Variants in MAML2 observed in about 807,000 individuals in gnomAD.
MAML2 encodes mastermind like transcriptional coactivator 2.
MAML2 carries 22 observed loss-of-function variants against 96.1 expected under a neutral mutation model. That is an observed-to-expected ratio of 0.23 (90% CI 0.16 to 0.33). The LOEUF (loss-of-function observed/expected upper bound fraction) is 0.33. Ranked by LOEUF, MAML2 falls within the 10% of genes least tolerant of loss-of-function variation. The pLI, the probability that MAML2 is intolerant of heterozygous loss-of-function variation, is 1.00. For synonymous variants in MAML2, 561 were observed against 521.3 expected (o/e 1.08, Z -1.04); for missense variants, 1,367 against 1,392.4 (o/e 0.98, Z 0.29).
chr11:96,177,045 C>T (rs1329295800), intron 1 of MAML2, among the ~76,000 whole-genome samples: 1 of 152,124 alleles, frequency 6.6e-6, no homozygotes, highest in Non-Finnish European at 1.5e-5. Flanking sequence ...TTTCAGGTCA[C>T]CATGCCTGGA....
intron 2 of MAML2, among the ~76,000 whole-genome samples, chr11:95,994,040 C>T (rs1313321225): frequency 6.6e-6 from 1 of 152,158 alleles, no homozygotes; most frequent in Non-Finnish European, 1.5e-5. Flanking sequence ...AACTCTAGTT[C>T]TCAATCAGTA....
chr11:96,291,115 C>CTTTTTT (rs58889757), intron 1 of MAML2, among the ~76,000 whole-genome samples: 3 of 69,026 alleles, frequency 4.3e-5, no homozygotes, highest in African/African-American at 6.0e-5. Flanking sequence ...TTTCACAAGC[C>CTTTTTT]TTTTTTTTTT....
chr11:96,007,935 G>A (rs1184179982), intron 2 of MAML2, among the ~76,000 whole-genome samples: 2 of 149,858 alleles, frequency 1.3e-5, no homozygotes, highest in Admixed American at 6.7e-5. Context: ...TAGATGACGA[G>A]TTAGTGGGTG....
At chr11:96,146,567 T>C (rs1024339915) in intron 1 of MAML2, among the ~76,000 whole-genome samples, 1 of 152,220 alleles carries the variant, frequency 6.6e-6, no homozygotes, top group African/African-American at 2.4e-5. Flanking sequence ...CTGTGTGAGC[T>C]GATCACACCA....
intron 1 of MAML2, among the ~76,000 whole-genome samples, chr11:96,270,578 G>C (rs899081527): frequency 6.6e-6 from 1 of 151,960 alleles, no homozygotes; most frequent in Non-Finnish European, 1.5e-5. Context: ...AAAAGTGCTG[G>C]GATTACAGGC....
intron 2 of MAML2, among the ~76,000 whole-genome samples, chr11:96,081,385 T>A (rs1859527301): frequency 6.6e-6 from 1 of 152,120 alleles, no homozygotes; most frequent in Admixed American, 6.5e-5. Context: ...TGTCATGGTG[T>A]CTTTCCAAAA....
intron 2 of MAML2, among the ~76,000 whole-genome samples, chr11:96,024,361 A>G (rs185420761): frequency 6.6e-6 from 1 of 152,278 alleles, no homozygotes; most frequent in Non-Finnish European, 1.5e-5. Flanking sequence ...TAGAGAACTT[A>G]GTAATGTCAA....
At chr11:96,038,594 C>G (rs895378120) in intron 2 of MAML2, among the ~76,000 whole-genome samples, 1 of 152,220 alleles carries the variant, frequency 6.6e-6, no homozygotes, top group African/African-American at 2.4e-5. Flanking sequence ...CAAGCTTGCT[C>G]TTACTGCATG....
chr11:96,269,749 G>A (rs550486539), intron 1 of MAML2, among the ~76,000 whole-genome samples: 8 of 143,928 alleles, frequency 5.6e-5, no homozygotes, highest in East Asian at 2.0e-4. Flanking sequence ...GACGTCAAGC[G>A]ATCTACATGC....
chr11:96,140,660 C>T (rs1860715688), intron 1 of MAML2, among the ~76,000 whole-genome samples: 1 of 152,182 alleles, frequency 6.6e-6, no homozygotes. Flanking sequence ...AGACGTCACT[C>T]TCTCCATCGT....
chr11:95,985,419 G>A (rs1591077262), intron 4 of MAML2, 112 bp downstream of exon 4: 1 of 639,966 alleles, frequency 1.6e-6, no homozygotes, highest in Non-Finnish European at 2.6e-6. Context: ...ATGGGAGTTA[G>A]AAATTCTAAG....
chr11:96,066,502 A>C (rs777094626), intron 2 of MAML2, among the ~76,000 whole-genome samples: 3 of 152,224 alleles, frequency 2.0e-5, no homozygotes, highest in Non-Finnish European at 2.9e-5. Context: ...GCCTTGAGCT[A>C]CCTATATTTA....
chr11:95,985,826 T>C (rs1425014386), intron 3 of MAML2, among the ~76,000 whole-genome samples, 184 bp from the exon 4 acceptor site: 1 of 152,234 alleles, frequency 6.6e-6, no homozygotes, highest in Non-Finnish European at 1.5e-5. Context: ...ATAAACTTCC[T>C]GTATGGAAGT....
Position 96,180,830 on chromosome 11 carries a change from G to A in MAML2, c.514-87313C>T, listed in dbSNP as rs191206889. Among the ~76,000 whole-genome samples, 449 of 152,232 alleles carry A rather than the reference G, an allele frequency of 2.9e-3. 9 individuals carry two copies. Among genetic ancestry groups the A allele is most frequent in the Admixed American group, 0.019 (291 of 15,290 alleles). The stretch of plus-strand genomic sequence containing the variant: ...ACCTGGGTACAGGCGGGCTGAGTCC[G>A]AAAAGAGTCAGCGAAGGGAGATAAG... On this transcript the variant is annotated intron_variant, in intron 1 of 4. Coordinates refer to ENST00000524717, the MANE Select transcript of MAML2 (RefSeq NM_032427.4).
chr11:96,126,330 G>C (rs1328563002), intron 1 of MAML2, among the ~76,000 whole-genome samples: 1 of 152,186 alleles, frequency 6.6e-6, no homozygotes, highest in East Asian at 1.9e-4. Context: ...GGCTGAGGCG[G>C]GTGGATCACC....
intron 1 of MAML2, among the ~76,000 whole-genome samples, chr11:96,279,079 T>C (rs1291685926): frequency 6.6e-6 from 1 of 151,848 alleles, no homozygotes; most frequent in Non-Finnish European, 1.5e-5. Context: ...CTGGTTAGGA[T>C]AAAAGACTGA....
intron 1 of MAML2, among the ~76,000 whole-genome samples, chr11:96,326,094 G>GCCCC (rs113693304): frequency 3.4e-3 from 212 of 61,888 alleles, no homozygotes; most frequent in Non-Finnish European, 5.4e-3. Flanking sequence ...TGTCTACCCC[G>GCCCC]CCCCCCCCCC....
At chr11:96,191,106 A>C (rs187118253) in intron 1 of MAML2, among the ~76,000 whole-genome samples, 1 of 152,286 alleles carries the variant, frequency 6.6e-6, no homozygotes, top group African/African-American at 2.4e-5. Context: ...AACTACTATT[A>C]TGTAAGAAAG....
intron 1 of MAML2, among the ~76,000 whole-genome samples, chr11:96,158,555 A>G (rs966600261): frequency 6.6e-6 from 1 of 152,178 alleles, no homozygotes; most frequent in Non-Finnish European, 1.5e-5. Context: ...ATCACAGCAG[A>G]TTTCTTTTGC....
Sources: gnomAD v4.1 joint callset for allele counts (sites outside exome capture counted in the v4.1 genomes callset) on GRCh38, gnomAD v4.1.1 for gene constraint, MANE v1.5 for transcripts, NCBI Gene and HGNC (gene_info 2026-07-23, HGNC 2026-07-21) for gene names.